TMEM132C: variants seen among roughly 807,000 people sequenced by gnomAD.
TMEM132C encodes protein phosphatase 1, regulatory subunit 152.
Under a neutral mutation model 61.4 loss-of-function variants are expected in TMEM132C, and 29 were observed. The observed-to-expected ratio is 0.47, with a 90% CI of 0.35 to 0.64. The LOEUF (loss-of-function observed/expected upper bound fraction) is 0.64. Among genes scored for constraint, TMEM132C ranks in the 30% least tolerant of loss-of-function variants. The probability of loss-of-function intolerance (pLI) is 0.00; values close to 1 mark genes in which losing one functional copy is unlikely to be tolerated. For synonymous variants in TMEM132C, 656 were observed against 633.1 expected, an observed-to-expected ratio of 1.04 and a Z score of -0.54; for missense variants, 1,408 against 1,476.9, an observed-to-expected ratio of 0.95 and a Z score of 0.76.
chr12:128,366,549 A>G (rs1168283716), intron 1 of TMEM132C, among the ~76,000 whole-genome samples: 1 of 152,180 alleles, frequency 6.6e-6, no homozygotes, highest in Non-Finnish European at 1.5e-5. Context: ...GAAACAGGGC[A>G]TGGAAATGGC....
chr12:128,520,233 C>T (rs139708819), intron 2 of TMEM132C, among the ~76,000 whole-genome samples: 6 of 152,208 alleles, frequency 3.9e-5, no homozygotes, highest in South Asian at 2.1e-4. Flanking sequence ...CAGCAGTCCA[C>T]GTATCACCCC....
chr12:128,698,549 A>G (rs1954781726), intron 8 of TMEM132C, among the ~76,000 whole-genome samples: 1 of 152,230 alleles, frequency 6.6e-6, no homozygotes, highest in African/African-American at 2.4e-5. Context: ...TGAAGAGTCC[A>G]TTTGCAAATT....
At chr12:128,450,189 C>T (rs77737793) in intron 2 of TMEM132C, among the ~76,000 whole-genome samples, 2,015 of 152,156 alleles carry the variant, frequency 0.013, 46 homozygotes, top group African/African-American at 0.043. Context: ...GCTCATTTGA[C>T]GGAGGAACTA....
chr12:128,442,528 A>C (rs953615481), intron 2 of TMEM132C, among the ~76,000 whole-genome samples: 8 of 152,094 alleles, frequency 5.3e-5, no homozygotes, highest in African/African-American at 1.4e-4. Flanking sequence ...TAAAACTGTT[A>C]AAAAATTAAA....
At chr12:128,512,983 C>T (rs1217677004) in intron 2 of TMEM132C, among the ~76,000 whole-genome samples, 1 of 152,104 alleles carries the variant, frequency 6.6e-6, no homozygotes, top group East Asian at 1.9e-4. Flanking sequence ...CACCGCTGTC[C>T]GTGTAAAGCT....
intron 1 of TMEM132C, among the ~76,000 whole-genome samples, chr12:128,348,105 ATT>A (rs374372359): frequency 9.2e-5 from 14 of 152,146 alleles, no homozygotes; most frequent in Admixed American, 3.3e-4. Flanking sequence ...CAGGACTTTA[ATT>A]TTCTTATACA....
chr12:128,582,681 A>G (rs561773367), intron 3 of TMEM132C, among the ~76,000 whole-genome samples: 2 of 152,270 alleles, frequency 1.3e-5, no homozygotes, highest in African/African-American at 4.8e-5. Flanking sequence ...ACCGCCATGT[A>G]AAAAGTGCCT....
intron 1 of TMEM132C, among the ~76,000 whole-genome samples, chr12:128,364,651 C>A (rs536277581): frequency 1.3e-5 from 2 of 152,296 alleles, no homozygotes; most frequent in African/African-American, 4.8e-5. Flanking sequence ...GACAGAGACC[C>A]GGGTGGCAGT....
chr12:128,665,972 TG>T (rs1954464577), intron 4 of TMEM132C, among the ~76,000 whole-genome samples: 1 of 112,840 alleles, frequency 8.9e-6, no homozygotes, highest in African/African-American at 3.7e-5. Context: ...CACGGGCACA[TG>T]TACCCGTAAA....
At chr12:128,597,234 C>A (rs141882504) in intron 3 of TMEM132C, among the ~76,000 whole-genome samples, 1 of 152,132 alleles carries the variant, frequency 6.6e-6, no homozygotes, top group Admixed American at 6.5e-5. Flanking sequence ...AATCCCAGCA[C>A]TTTGGGAGGC....
intron 2 of TMEM132C, among the ~76,000 whole-genome samples, chr12:128,438,341 G>C (rs1371019870): frequency 6.6e-6 from 1 of 152,054 alleles, no homozygotes; most frequent in Non-Finnish European, 1.5e-5. Context: ...AGAGCTGGTT[G>C]TTTAAAAGAG....
At chr12:128,521,092 C>A (rs566604564) in intron 2 of TMEM132C, among the ~76,000 whole-genome samples, 2 of 152,090 alleles carry the variant, frequency 1.3e-5, no homozygotes, top group Non-Finnish European at 2.9e-5. Context: ...AATTCTTACA[C>A]TGATCATCAA....
chr12:128,329,930 T>A (rs888881177), intron 1 of TMEM132C, among the ~76,000 whole-genome samples: 8 of 152,204 alleles, frequency 5.3e-5, no homozygotes, highest in African/African-American at 1.9e-4. Context: ...TGCGAGGAAG[T>A]TCGTGACAGC....
In TMEM132C at chr12:128,695,792, C is replaced by G. The variant is rs1032698409; in HGVS notation, c.1656-38C>G. On this transcript the variant is annotated intron_variant, in intron 6 of 8. Coordinates refer to ENST00000435159, the MANE Select transcript of TMEM132C (RefSeq NM_001136103.3). ...TGTCTCAAGAACGTCTTAGACTCCT[C>G]TCCCTGGATCTGAGAGCTCTTTGTC... 6 of 1,502,134 alleles carry G rather than the reference C, an allele frequency of 4.0e-6. No individual in the cohort carries two copies. In the African/African-American group the frequency reaches 8.3e-5, roughly 21 times the overall value. 93.1% of individuals were successfully genotyped at this position (1,502,134 alleles called of 1,614,324 possible). A position where few individuals can be genotyped will look rare whatever the true frequency, so the allele number is the denominator to read the frequency against.
At chr12:128,626,941 C>T (rs1471163706) in intron 4 of TMEM132C, among the ~76,000 whole-genome samples, 1 of 152,194 alleles carries the variant, frequency 6.6e-6, no homozygotes, top group Non-Finnish European at 1.5e-5. Context: ...GCCACCCCAG[C>T]CTGCCGAGTC....
intron 4 of TMEM132C, among the ~76,000 whole-genome samples, chr12:128,662,908 G>C (rs1159161997): frequency 6.6e-6 from 1 of 152,070 alleles, no homozygotes; most frequent in Non-Finnish European, 1.5e-5. Context: ...CAGACGTCTG[G>C]TCTCTGAGCC....
intron 1 of TMEM132C, among the ~76,000 whole-genome samples, chr12:128,320,637 C>T (rs978279384): frequency 1.8e-4 from 28 of 151,988 alleles, no homozygotes; most frequent in African/African-American, 6.5e-4. Flanking sequence ...GGAGTGTTGG[C>T]TCATGCCTTT....
intron 5 of TMEM132C, among the ~76,000 whole-genome samples, chr12:128,675,593 T>C (rs187885521): frequency 3.9e-4 from 60 of 152,298 alleles, no homozygotes; most frequent in African/African-American, 1.4e-3. Context: ...TATTTACCCA[T>C]TTGCTTTTTC....
intron 8 of TMEM132C, among the ~76,000 whole-genome samples, chr12:128,703,860 G>A (rs1593154774): frequency 6.6e-6 from 1 of 152,220 alleles, no homozygotes; most frequent in Admixed American, 6.5e-5. Flanking sequence ...CGAGTGCCCA[G>A]TGGATATGGA....
Sources: gnomAD v4.1 joint callset for allele counts (sites outside exome capture counted in the v4.1 genomes callset) on GRCh38, gnomAD v4.1.1 for gene constraint, MANE v1.5 for transcripts, NCBI Gene and HGNC (gene_info 2026-07-23, HGNC 2026-07-21) for gene names.